The following NBEA variants were observed in gnomAD, a reference collection of about 807,000 sequenced individuals.
The protein encoded by NBEA is lysosomal-trafficking regulator 2.
Under a neutral mutation model 343.4 loss-of-function variants are expected in NBEA, and 44 were observed. The ratio of observed to expected loss-of-function variants is 0.13; its 90% CI spans 0.10 to 0.16. The LOEUF is 0.16. Among genes scored for constraint, NBEA ranks in the 10% least tolerant of loss-of-function variants. The pLI is 1.00. For missense variants in NBEA, 2,555 were observed against 3,631.3 expected (o/e 0.70, Z 7.62); for synonymous variants, 1,175 against 1,238.7 (o/e 0.95, Z 1.08).
At chr13:35,493,391 A>T (rs1049876019) in intron 41 of NBEA, among the ~76,000 whole-genome samples, 4 of 151,974 alleles carry the variant, frequency 2.6e-5, no homozygotes, top group African/African-American at 9.7e-5. Context: ...GAGCCAGGGA[A>T]TTCATAGACT....
chr13:35,361,221 C>G lies in NBEA; in HGVS notation c.6179+8898C>G, dbSNP rs548624959. Among the ~76,000 whole-genome samples, 293 of 152,076 alleles carry G rather than the reference C, an allele frequency of 1.9e-3. 1 individual carries two copies. The highest frequency in any genetic ancestry group is 6.8e-3 in the African/African-American group (282 of 41,536). On this transcript the variant is annotated intron_variant, in intron 38 of 58. Transcript: ENST00000379939. Reference sequence around the variant, plus strand: ...AATTGGCAACCCAGAATTCAGCATTCAGCAAAAATATTCTCTAGAAATGAA... The same window carrying G: ...AATTGGCAACCCAGAATTCAGCATTGAGCAAAAATATTCTCTAGAAATGAA...
intron 41 of NBEA, chr13:35,476,836 A>T: frequency 3.0e-6 from 3 of 1,008,500 alleles, no homozygotes; most frequent in East Asian, 1.1e-4. Flanking sequence ...CACAAACTAA[A>T]GGTAGGAGGC....
chr13:35,225,764 T>G (rs2074618445), intron 33 of NBEA, among the ~76,000 whole-genome samples: 1 of 152,146 alleles, frequency 6.6e-6, no homozygotes, highest in South Asian at 2.1e-4. Flanking sequence ...GTTAGCAAGT[T>G]CATGCATCCT....
intron 41 of NBEA, among the ~76,000 whole-genome samples, chr13:35,550,090 A>T (rs1057076275): frequency 2.0e-5 from 3 of 152,136 alleles, no homozygotes; most frequent in African/African-American, 7.2e-5. Context: ...CCTGGGGTTG[A>T]CCATATGGAC....
chr13:35,510,185 G>C (rs2077222615), intron 41 of NBEA, among the ~76,000 whole-genome samples: 1 of 152,172 alleles, frequency 6.6e-6, no homozygotes, highest in South Asian at 2.1e-4. Context: ...AGAATTGAAA[G>C]AACAATCCAT....
intron 41 of NBEA, chr13:35,474,320 C>G (rs1367860717): frequency 6.6e-6 from 1 of 152,490 alleles, no homozygotes; most frequent in Non-Finnish European, 1.5e-5. Context: ...ATATATAATT[C>G]AGATATTCAA....
chr13:35,030,326 A>G (rs973730645), intron 1 of NBEA, among the ~76,000 whole-genome samples: 1 of 151,682 alleles, frequency 6.6e-6, no homozygotes, highest in South Asian at 2.1e-4. Context: ...TCTTACCCAT[A>G]AAAATCATTG....
At chr13:35,475,462 TC>T in intron 41 of NBEA, 1 of 1,612,560 alleles carries the variant, frequency 6.2e-7, no homozygotes, top group South Asian at 1.1e-5. Flanking sequence ...GGCGTCGCTC[TC>T]CGCCGAGCTC....
chr13:35,332,282 T>A (rs2038970886), intron 36 of NBEA, among the ~76,000 whole-genome samples: 2 of 151,840 alleles, frequency 1.3e-5, no homozygotes, highest in South Asian at 4.1e-4. Flanking sequence ...TTGGGAGAGG[T>A]CTCTTAGCTC....
intron 1 of NBEA, among the ~76,000 whole-genome samples, chr13:35,008,226 A>T (rs910324981): frequency 6.6e-6 from 1 of 152,194 alleles, no homozygotes; most frequent in Non-Finnish European, 1.5e-5. Flanking sequence ...TTAACTATTT[A>T]AAAGTATACA....
At chr13:35,008,345 G>A (rs193216086) in intron 1 of NBEA, among the ~76,000 whole-genome samples, 1 of 152,196 alleles carries the variant, frequency 6.6e-6, no homozygotes, top group Admixed American at 6.5e-5. Context: ...TAAGGAAAAT[G>A]GCTTAATATT....
At chr13:35,656,903 G>A (rs899950836) in intron 55 of NBEA, among the ~76,000 whole-genome samples, 1 of 152,152 alleles carries the variant, frequency 6.6e-6, no homozygotes, top group Non-Finnish European at 1.5e-5. Context: ...TACTATAAGA[G>A]TAGATAAGAA....
At chr13:35,142,026 A>C (rs2068120407) in intron 17 of NBEA, among the ~76,000 whole-genome samples, 1 of 152,210 alleles carries the variant, frequency 6.6e-6, no homozygotes, top group Non-Finnish European at 1.5e-5. Context: ...AATATTCCAT[A>C]ATTTGTACAT....
intron 21 of NBEA, among the ~76,000 whole-genome samples, chr13:35,158,192 AT>A (rs1018208996): frequency 9.9e-5 from 15 of 152,092 alleles, no homozygotes; most frequent in African/African-American, 3.6e-4. Context: ...CTTCTGTAAA[AT>A]TAAGGGGATT....
chr13:35,424,027 T>C lies in NBEA; in HGVS notation c.6180-8242T>C, dbSNP rs551523821. On this transcript the variant is annotated intron_variant, in intron 38 of 58. Coordinates refer to ENST00000379939, the MANE Select transcript of NBEA (RefSeq NM_001385012.1). ...TATCCTGAGACTTTGCTGAAGTTGC[T>C]TATCAGCTTAAGGAGATTTTGGGCT... 5.9e-5 allele frequency among the ~76,000 whole-genome samples: 9 copies of C among 152,332 alleles called. No homozygotes were observed. In the East Asian group the frequency reaches 9.6e-4, roughly 16 times the overall value.
At position 35,308,474 on chromosome 13, in the gene NBEA, GTATATATATA is replaced by G. The variant is rs1174970072; in HGVS notation, c.5839-1052_5839-1043del. Among the ~76,000 whole-genome samples the G allele has an allele frequency of 6.9e-4, 46 of 66,354 alleles. 2 individuals are homozygous for G. Among genetic ancestry groups the G allele is most frequent in the African/African-American group, 2.9e-3 (46 of 15,994 alleles). 43.5% of individuals were successfully genotyped at this position (66,354 alleles called of 152,430 possible). On this transcript the variant is annotated intron_variant, in intron 35 of 58. Transcript: ENST00000379939. ...TATATATATATATATATATATATAT[GTATATATATA>G]TGTGTATATATATGTGTATATATAT...
At position 35,588,260 on chromosome 13, in the gene NBEA, T is replaced by C. The variant is rs150857599; in HGVS notation, c.7176+4222T>C. ...CTCAGCCCAAATATCTTATGTCACG[T>C]GGTTATAAATAAAAGTATCAGTCTA... On this transcript the variant is annotated intron_variant, in intron 46 of 58. Transcript: ENST00000379939. 7.0e-4 allele frequency among the ~76,000 whole-genome samples: 107 copies of C among 152,230 alleles called. 2 individuals carry two copies. In the East Asian group the frequency reaches 0.017, roughly 24 times the overall value.
intron 41 of NBEA, among the ~76,000 whole-genome samples, chr13:35,500,641 C>G (rs966687584): frequency 2.7e-5 from 4 of 149,852 alleles, no homozygotes; most frequent in African/African-American, 9.7e-5. Context: ...ACCTCTTGAG[C>G]ATTCATTATT....
chr13:34,968,965 C>T (rs866703895), intron 1 of NBEA, among the ~76,000 whole-genome samples: 1 of 140,820 alleles, frequency 7.1e-6, no homozygotes. Flanking sequence ...CTCTTTGTGC[C>T]TCTTACTCCA....
Sources: allele counts gnomAD v4.1 joint callset (sites outside exome capture counted in the v4.1 genomes callset), GRCh38; gene constraint gnomAD v4.1.1; transcripts MANE v1.5; gene names NCBI Gene and HGNC (gene_info 2026-07-23, HGNC 2026-07-21).